The following AFAP1L2 variants were observed in gnomAD, a reference collection of about 807,000 sequenced individuals.
AFAP1L2 encodes the protein actin filament-associated protein 1-like 2.
AFAP1L2 carries 46 observed loss-of-function variants against 99.3 expected under a neutral mutation model. The observed-to-expected ratio is 0.46, with a 90% CI of 0.37 to 0.59. The LOEUF is 0.59. Ranked by LOEUF, AFAP1L2 falls within the 20% of genes least tolerant of loss-of-function variation. The pLI, the probability that AFAP1L2 is intolerant of heterozygous loss-of-function variation, is 0.00. For synonymous variants in AFAP1L2, 397 were observed against 419.1 expected (o/e 0.95, Z 0.64); for missense variants, 959 against 1,034.9 (o/e 0.93, Z 1.01).
intron 1 of AFAP1L2, among the ~76,000 whole-genome samples, chr10:114,395,712 T>C (rs375212366): frequency 6.6e-6 from 1 of 152,090 alleles, no homozygotes; most frequent in African/African-American, 2.4e-5. Context: ...CCCAAACAGA[T>C]GCCAGTGTGC....
At chr10:114,332,079 A>C (rs1165818880) in intron 3 of AFAP1L2, among the ~76,000 whole-genome samples, 182 bp from the exon 4 acceptor site, 1 of 152,272 alleles carries the variant, frequency 6.6e-6, no homozygotes, top group South Asian at 2.1e-4. Flanking sequence ...AGGGTGCAGG[A>C]GTGCCCCAGA....
chr10:114,351,500 C>T (rs1005964865), intron 1 of AFAP1L2, among the ~76,000 whole-genome samples: 2 of 152,208 alleles, frequency 1.3e-5, no homozygotes, highest in African/African-American at 4.8e-5. Flanking sequence ...CCTGTCCAGG[C>T]CCCTGCCTCC....
chr10:114,286,120 G>A, the AFAP1L2 span: 6 of 1,614,034 alleles, frequency 3.7e-6, no homozygotes, highest in Non-Finnish European at 4.2e-6. Flanking sequence ...AGCTGCTGGT[G>A]GCGGTGCCTG....
At position 114,300,295 on chromosome 10, in the gene AFAP1L2, T is replaced by C; in HGVS notation, c.1856A>G (p.Gln619Arg). The C allele has an allele frequency of 6.2e-7, 1 of 1,614,098 alleles. No individual in the cohort carries two copies. Among genetic ancestry groups the C allele is most frequent in the Non-Finnish European group, 8.5e-7 (1 of 1,180,026 alleles). ...RITTVKIQTE[Q>R]QRISFPPSCP... ...GCTCGGTGGGAAGGAGATTCTCTGC[T>C]GTTCCGTCTGGATTTTGACGGTGGT... is the stretch of plus-strand genomic sequence containing the variant. The change falls in exon 15 of 19, where the codon CAG becomes CGG. Residue 619 changes from glutamine to arginine, a missense_variant. By Grantham distance (43) the Gln-to-Arg change is conservative. This residue lies in a region of AFAP1L2 where 576 missense variants were observed against 562.1 expected (regional missense o/e 1.02). Transcript: ENST00000304129.
At chr10:114,397,712 C>T (rs1350455654) in intron 1 of AFAP1L2, among the ~76,000 whole-genome samples, 2 of 152,166 alleles carry the variant, frequency 1.3e-5, no homozygotes, top group Non-Finnish European at 2.9e-5. Context: ...GTACATTCAC[C>T]CAGCTTGGAT....
At chr10:114,355,216 G>A (rs1309754371) in intron 1 of AFAP1L2, among the ~76,000 whole-genome samples, 1 of 151,396 alleles carries the variant, frequency 6.6e-6, no homozygotes, top group East Asian at 1.9e-4. Context: ...GGTGGGGGGA[G>A]GTTGCCTCCC....
chr10:114,290,223 G>T (rs2039435654), downstream of AFAP1L2: 1 of 1,549,990 alleles, frequency 6.5e-7, no homozygotes, highest in Non-Finnish European at 8.7e-7. Context: ...TGGTGGGTAT[G>T]GTGTTCTCCA....
intron 1 of AFAP1L2, among the ~76,000 whole-genome samples, chr10:114,381,870 TAC>T (rs10667879): frequency 2.0e-5 from 3 of 150,226 alleles, no homozygotes; most frequent in African/African-American, 2.4e-5. Flanking sequence ...GAAGAGAGTG[TAC>T]ACACACACAC....
At chr10:114,371,275 T>C (rs61868291) in intron 1 of AFAP1L2, among the ~76,000 whole-genome samples, 57 of 152,116 alleles carry the variant, frequency 3.7e-4, no homozygotes, top group Non-Finnish European at 7.6e-4. Flanking sequence ...GCCAGGTGGG[T>C]TTGTGCTGAG....
intron 1 of AFAP1L2, among the ~76,000 whole-genome samples, chr10:114,372,108 T>C (rs1236374124): frequency 1.3e-5 from 2 of 152,232 alleles, no homozygotes; most frequent in Non-Finnish European, 2.9e-5. Context: ...TTGACTAATC[T>C]GTTCCAAATT....
At chr10:114,392,703 G>A (rs2057286321) in intron 1 of AFAP1L2, among the ~76,000 whole-genome samples, 2 of 152,150 alleles carry the variant, frequency 1.3e-5, no homozygotes, top group African/African-American at 4.8e-5. Context: ...AGCCATTTGG[G>A]GAGAATATTT....
At chr10:114,371,400 A>C (rs1168417819) in intron 1 of AFAP1L2, among the ~76,000 whole-genome samples, 2 of 152,188 alleles carry the variant, frequency 1.3e-5, no homozygotes, top group Non-Finnish European at 2.9e-5. Flanking sequence ...GCGTAGTTGT[A>C]AACACTGATT....
chr10:114,296,327 G>A, intron 18 of AFAP1L2: 1 of 506,292 alleles, frequency 2.0e-6, no homozygotes. Context: ...TGCTTGCATG[G>A]ATTTATTGGT....
chr10:114,323,064 T>A (rs910699340), intron 5 of AFAP1L2, 107 bp downstream of exon 5: 3 of 1,022,564 alleles, frequency 2.9e-6, no homozygotes, highest in Non-Finnish European at 4.3e-6. Flanking sequence ...CTACCCTCTG[T>A]CACCCAGCCC....
At chr10:114,369,759 A>T (rs1007779345) in intron 1 of AFAP1L2, among the ~76,000 whole-genome samples, 2 of 152,152 alleles carry the variant, frequency 1.3e-5, no homozygotes, top group Non-Finnish European at 2.9e-5. Flanking sequence ...CAAACTACTT[A>T]AAACAAGTAC....
chr10:114,300,817 C>A (rs1200604747), intron 13 of AFAP1L2, 127 bp from the exon 14 acceptor site: 10 of 1,314,668 alleles, frequency 7.6e-6, no homozygotes, highest in Non-Finnish European at 1.0e-5. Context: ...TCCCTCCCTG[C>A]TGGGGGGGCC....
chr10:114,306,151 C>G (rs955195351), intron 10 of AFAP1L2, among the ~76,000 whole-genome samples: 1 of 40,566 alleles, frequency 2.5e-5, no homozygotes, highest in African/African-American at 9.7e-5. Context: ...GGGGACGGGG[C>G]TGCAGGACGG....
At chr10:114,362,740 G>A (rs1322549711) in intron 1 of AFAP1L2, among the ~76,000 whole-genome samples, 2 of 152,158 alleles carry the variant, frequency 1.3e-5, no homozygotes, top group African/African-American at 4.8e-5. Flanking sequence ...ATAGGGGTCC[G>A]TAGCTTTAGG....
chr10:114,370,780 G>A (rs536692077), intron 1 of AFAP1L2, among the ~76,000 whole-genome samples: 4 of 152,244 alleles, frequency 2.6e-5, no homozygotes, highest in South Asian at 2.1e-4. Flanking sequence ...CCTGTGCCCC[G>A]CTTCTGTATC....
Sources: allele counts gnomAD v4.1 joint callset (sites outside exome capture counted in the v4.1 genomes callset), GRCh38; gene constraint gnomAD v4.1.1; regional missense constraint gnomAD v4.1.1; transcripts MANE v1.5; gene names NCBI Gene and HGNC (gene_info 2026-07-23, HGNC 2026-07-21).